The following UBE2R2 variants were observed in gnomAD, a reference collection of about 807,000 sequenced individuals.
UBE2R2 encodes the protein ubiquitin conjugating enzyme E2 R2.
UBE2R2 carries 1 observed loss-of-function variant against 27.8 expected under a neutral mutation model. The observed-to-expected ratio is 0.04, with a 90% CI of 0.01 to 0.17. UBE2R2 has a LOEUF of 0.17. UBE2R2 is among the 10% of genes least tolerant of loss of function. UBE2R2 has a pLI of 1.00. For synonymous variants in UBE2R2, 106 were observed against 113.3 expected (o/e 0.94, Z 0.41); for missense variants, 100 against 291.0 (o/e 0.34, Z 4.78).
chr9:33,904,699 G>A (rs952792593), intron 3 of UBE2R2, among the ~76,000 whole-genome samples: 1 of 152,180 alleles, frequency 6.6e-6, no homozygotes, highest in Non-Finnish European at 1.5e-5. Context: ...CAGCCAACTG[G>A]TGTTCACTAA....
At chr9:33,842,654 A>T (rs1820754867) in intron 1 of UBE2R2, among the ~76,000 whole-genome samples, 1 of 152,128 alleles carries the variant, frequency 6.6e-6, no homozygotes, top group African/African-American at 2.4e-5. Context: ...TATGATTTTC[A>T]TTGTGATATT....
At chr9:33,901,185 G>T (rs1220970144) in intron 3 of UBE2R2, among the ~76,000 whole-genome samples, 1 of 152,068 alleles carries the variant, frequency 6.6e-6, no homozygotes, top group Non-Finnish European at 1.5e-5. Context: ...TACTGATCAG[G>T]TATTTTGTGC....
In UBE2R2 at chr9:33,817,596, C is replaced by G; in HGVS notation, c.-162C>G. The G allele has an allele frequency of 1.2e-6, 1 of 837,818 alleles. No individual in the cohort carries two copies. Among genetic ancestry groups the G allele is most frequent in the Non-Finnish European group, 1.5e-6 (1 of 672,718 alleles). The allele number at this position is 837,818 out of a possible 1,614,324, so 51.9% of individuals were successfully genotyped here. On this transcript the variant is annotated 5_prime_UTR_variant, in exon 1 of 5. Coordinates refer to ENST00000263228, the MANE Select transcript of UBE2R2 (RefSeq NM_017811.4). ...GTGTGAGGAGGACCCCGGGCGGGCCCACGGGCCGTGTGGGGCCTGGTCTGG... is the reference window on the plus strand; with the variant it reads ...GTGTGAGGAGGACCCCGGGCGGGCCGACGGGCCGTGTGGGGCCTGGTCTGG...
chr9:33,916,873 T>A, intron 4 of UBE2R2, 145 bp from the exon 5 acceptor site: 1 of 1,306,104 alleles, frequency 7.7e-7, no homozygotes, highest in Non-Finnish European at 1.0e-6. Flanking sequence ...TTTGGTGTAG[T>A]ACAGGGTATC....
intron 1 of UBE2R2, among the ~76,000 whole-genome samples, chr9:33,822,906 A>ATTTTT (rs542620697): frequency 3.9e-5 from 5 of 127,870 alleles, no homozygotes; most frequent in South Asian, 2.4e-4. Flanking sequence ...CTTCTTATTA[A>ATTTTT]TTTTTTTTTT....
At chr9:33,864,598 G>A (rs1821318286) in intron 1 of UBE2R2, among the ~76,000 whole-genome samples, 1 of 152,130 alleles carries the variant, frequency 6.6e-6, no homozygotes, top group African/African-American at 2.4e-5. Flanking sequence ...CGCCCAGGGT[G>A]GAGTGTGGTG....
chr9:33,825,137 A>G (rs1472120700), intron 1 of UBE2R2, among the ~76,000 whole-genome samples: 14 of 152,146 alleles, frequency 9.2e-5, no homozygotes, highest in Admixed American at 9.2e-4. Context: ...TAGGACAATG[A>G]TAACCTTAGA....
chr9:33,874,025 G>A (rs1231942083), intron 1 of UBE2R2, among the ~76,000 whole-genome samples: 2 of 149,878 alleles, frequency 1.3e-5, no homozygotes, highest in South Asian at 2.1e-4. Context: ...TCCGCTCACT[G>A]TAACCTCTGC....
At chr9:33,837,830 G>A (rs2130735364) in intron 1 of UBE2R2, among the ~76,000 whole-genome samples, 1 of 152,024 alleles carries the variant, frequency 6.6e-6, no homozygotes, top group South Asian at 2.1e-4. Flanking sequence ...GTGATCCACT[G>A]GGCTTAGCCA....
intron 1 of UBE2R2, among the ~76,000 whole-genome samples, chr9:33,858,229 G>A (rs1821151187): frequency 1.3e-5 from 2 of 152,020 alleles, no homozygotes; most frequent in South Asian, 4.1e-4. Context: ...ATTCCGAAAG[G>A]TAGCTTGCCA....
chr9:33,891,261 G>A (rs569800904), intron 2 of UBE2R2, among the ~76,000 whole-genome samples: 2 of 151,798 alleles, frequency 1.3e-5, no homozygotes, highest in South Asian at 2.1e-4. Context: ...GGCTGGTCTC[G>A]AACTTCTGAC....
chr9:33,846,134 A>AG (rs912135501), intron 1 of UBE2R2, among the ~76,000 whole-genome samples: 14 of 151,368 alleles, frequency 9.2e-5, no homozygotes, highest in African/African-American at 3.4e-4. Context: ...AAAAAAAAAA[A>AG]AAAATACAAA....
intron 1 of UBE2R2, among the ~76,000 whole-genome samples, chr9:33,841,612 T>C (rs1240048415): frequency 1.3e-5 from 2 of 152,150 alleles, no homozygotes; most frequent in African/African-American, 4.8e-5. Flanking sequence ...CTGCTGTGAG[T>C]TGTCATTGTT....
At chr9:33,822,149 TGGAGCGATCTCGGCTCACTGCA>T (rs1411016360) in intron 1 of UBE2R2, among the ~76,000 whole-genome samples, 1 of 151,086 alleles carries the variant, frequency 6.6e-6, no homozygotes, top group African/African-American at 2.4e-5. Context: ...TGGAGTGCAG[TGGAGCGATCTCGGCTCACTGCA>T]ACCTCCGCCT....
Position 33,892,925 on chromosome 9 carries a change from T to C in UBE2R2, c.264+5958T>C, listed in dbSNP as rs189660968. Among the ~76,000 whole-genome samples the C allele has an allele frequency of 3.7e-4, 57 of 152,004 alleles. No individual in the cohort carries two copies. In the East Asian group the frequency reaches 0.01, roughly 27 times the overall value. ...AACTTCCTTATTAAAAAAAAAAGAA[T>C]TTATTGAGATGAAATTCACATACAT... On this transcript the variant is annotated intron_variant, in intron 2 of 4. Transcript: ENST00000263228.
upstream of UBE2R2, among the ~76,000 whole-genome samples, chr9:33,815,609 G>A (rs761841117): frequency 6.6e-6 from 1 of 152,110 alleles, no homozygotes; most frequent in Non-Finnish European, 1.5e-5. Flanking sequence ...GCTGGGCATG[G>A]CTGTGCACAC....
chr9:33,883,731 A>G (rs1358218553), intron 1 of UBE2R2, among the ~76,000 whole-genome samples: 12 of 150,142 alleles, frequency 8.0e-5, no homozygotes, highest in Non-Finnish European at 1.8e-4. Flanking sequence ...AAAAAAAAAA[A>G]GAAATAAAAA....
At chr9:33,861,950 T>G (rs1049991263) in intron 1 of UBE2R2, among the ~76,000 whole-genome samples, 1 of 150,548 alleles carries the variant, frequency 6.6e-6, no homozygotes, top group Non-Finnish European at 1.5e-5. Context: ...GCCTTCCAGG[T>G]TCAAGTGATT....
intron 1 of UBE2R2, among the ~76,000 whole-genome samples, chr9:33,846,261 A>C (rs1001406676): frequency 3.9e-5 from 6 of 152,166 alleles, no homozygotes; most frequent in African/African-American, 9.7e-5. Context: ...GCACCACTGC[A>C]CTCTAGCCTA....
Sources: allele counts gnomAD v4.1 joint callset (sites outside exome capture counted in the v4.1 genomes callset), GRCh38; gene constraint gnomAD v4.1.1; transcripts MANE v1.5; gene names NCBI Gene and HGNC (gene_info 2026-07-23, HGNC 2026-07-21).